The following MMP16 variants were observed in gnomAD, a reference collection of about 807,000 sequenced individuals.
MMP16 encodes matrix metalloproteinase-16.
A neutral mutation model predicts 67.8 loss-of-function variants in MMP16; 12 were observed. The ratio of observed to expected loss-of-function variants is 0.18; its 90% CI spans 0.11 to 0.29. MMP16 has a LOEUF of 0.29. MMP16 is among the 10% of genes least tolerant of loss of function. The probability of loss-of-function intolerance (pLI) is 1.00; values close to 1 mark genes in which losing one functional copy is unlikely to be tolerated. For missense variants in MMP16, 475 were observed against 765.7 expected (o/e 0.62, Z 4.48); for synonymous variants, 249 against 255.9 (o/e 0.97, Z 0.26).
chr8:88,174,535 T>G (rs1467398977), intron 3 of MMP16, among the ~76,000 whole-genome samples: 3 of 152,192 alleles, frequency 2.0e-5, no homozygotes, highest in African/African-American at 7.2e-5. Context: ...AGTGAATACA[T>G]TTTTGGTTTA....
chr8:88,068,483 A>G (rs960279343), intron 7 of MMP16, among the ~76,000 whole-genome samples: 1 of 152,078 alleles, frequency 6.6e-6, no homozygotes, highest in Non-Finnish European at 1.5e-5. Flanking sequence ...TAAGGTCACA[A>G]ACTTTTGTAT....
In MMP16 at chr8:88,069,470, A is replaced by G. The variant is rs74832191; in HGVS notation, c.1222+5135T>C. The stretch of plus-strand genomic sequence containing the variant: ...GCCTTTGTTCTAGAATCCATTTCCA[A>G]TGGTATTTGTAGAGCCAACCATCTT... On this transcript the variant is annotated intron_variant, in intron 7 of 9. Transcript: ENST00000286614. 1.1e-3 allele frequency: 583 copies of G among 531,580 alleles called. 3 individuals are homozygous for G. The highest frequency in any genetic ancestry group is 9.8e-3 in the African/African-American group (505 of 51,716). The allele number at this position is 531,580 out of a possible 1,614,324, so 32.9% of individuals were successfully genotyped here. A position where few individuals can be genotyped will look rare whatever the true frequency, so the allele number is the denominator to read the frequency against.
intron 1 of MMP16, among the ~76,000 whole-genome samples, chr8:88,236,456 T>C (rs1366848041): frequency 5.9e-5 from 9 of 152,062 alleles, no homozygotes; most frequent in Non-Finnish European, 5.9e-5. Flanking sequence ...GAACATTAAG[T>C]AGTTAAAACC....
intron 3 of MMP16, among the ~76,000 whole-genome samples, chr8:88,184,222 T>A (rs547018451): frequency 3.3e-5 from 5 of 152,316 alleles, no homozygotes; most frequent in African/African-American, 1.2e-4. Context: ...ACATGCCTAC[T>A]AAATTTCCTA....
At chr8:88,296,165 C>A (rs1162215280) in intron 1 of MMP16, among the ~76,000 whole-genome samples, 1 of 152,054 alleles carries the variant, frequency 6.6e-6, no homozygotes, top group Non-Finnish European at 1.5e-5. Flanking sequence ...TATTCGCCAG[C>A]TTCTACTAAT....
intron 7 of MMP16, among the ~76,000 whole-genome samples, chr8:88,061,545 G>T (rs1398241938): frequency 6.6e-6 from 1 of 151,962 alleles, no homozygotes; most frequent in Admixed American, 6.6e-5. Context: ...TCATTTGCAT[G>T]ATAATTTCTT....
chr8:88,232,255 CT>C (rs1219049879), intron 1 of MMP16, among the ~76,000 whole-genome samples: 1 of 152,122 alleles, frequency 6.6e-6, no homozygotes, highest in East Asian at 1.9e-4. Flanking sequence ...GGTTTTACAT[CT>C]TTAATTGCAT....
chr8:88,197,270 C>T lies in MMP16; in HGVS notation c.169G>A (p.Asp57Asn). ...LQKYGYLPPT[D>N]PRMSVLRSAE... ...GAGCGCAGCACTGACATTCTGGGGTCAGTCGGTGGAAGGTAGCCGTACTTT... is the reference window on the plus strand; with the variant it reads ...GAGCGCAGCACTGACATTCTGGGGTTAGTCGGTGGAAGGTAGCCGTACTTT... Residue 57 changes from aspartate to asparagine, a missense_variant, in exon 2 of 10, where the codon GAC (aspartate) becomes AAC (asparagine). Transcript: ENST00000286614. 6.3e-7 allele frequency: 1 copy of T among 1,591,708 alleles called. No individual in the cohort carries two copies. The highest frequency in any genetic ancestry group is 8.6e-7 in the Non-Finnish European group (1 of 1,169,558).
At chr8:88,134,785 C>T (rs1269085708) in intron 4 of MMP16, among the ~76,000 whole-genome samples, 1 of 151,016 alleles carries the variant, frequency 6.6e-6, no homozygotes, top group African/African-American at 2.4e-5. Context: ...GTGTGTGATC[C>T]ACTAATCTTT....
intron 1 of MMP16, among the ~76,000 whole-genome samples, chr8:88,260,656 C>T (rs1462908151): frequency 6.6e-6 from 1 of 151,916 alleles, no homozygotes; most frequent in Non-Finnish European, 1.5e-5. Context: ...AGCCAACTAA[C>T]CAAAATTATT....
intron 4 of MMP16, among the ~76,000 whole-genome samples, chr8:88,153,967 T>C (rs1808459146): frequency 6.6e-6 from 1 of 150,384 alleles, no homozygotes. Context: ...AACCTACTCA[T>C]CTGACAAAGG....
At chr8:88,138,274 T>C (rs1368194471) in intron 4 of MMP16, among the ~76,000 whole-genome samples, 1 of 151,946 alleles carries the variant, frequency 6.6e-6, no homozygotes, top group African/African-American at 2.4e-5. Flanking sequence ...AGGAGTCTGG[T>C]TACATTCTCT....
intron 1 of MMP16, among the ~76,000 whole-genome samples, chr8:88,250,767 CT>C (rs71277989): frequency 2.8e-4 from 41 of 145,626 alleles, no homozygotes; most frequent in Admixed American, 2.8e-4. Flanking sequence ...TAGTCTTTTT[CT>C]TTTTTTTTTT....
chr8:88,085,278 G>A (rs1281363839), intron 6 of MMP16, among the ~76,000 whole-genome samples: 1 of 152,050 alleles, frequency 6.6e-6, no homozygotes, highest in African/African-American at 2.4e-5. Context: ...TAATAGATGT[G>A]TCTGGCAAAG....
chr8:88,069,542 T>C, intron 7 of MMP16: 1 of 521,262 alleles, frequency 1.9e-6, no homozygotes, highest in Non-Finnish European at 3.9e-6. Context: ...AAAGGTTTGT[T>C]TACTGTCCAG....
chr8:88,134,959 A>G lies in MMP16; in HGVS notation c.710-16098T>C, dbSNP rs1168862813. On this transcript the variant is annotated intron_variant, in intron 4 of 9. Transcript: ENST00000286614. ...AAGAATATTAACAGAATTTTCCCAA[A>G]TAAGCTTTTTCATCATTAAAAAAAG... Among the ~76,000 whole-genome samples the G allele has an allele frequency of 2.6e-5, 4 of 151,680 alleles. No individual in the cohort carries two copies. The South Asian group carries it at 6.2e-4, about 24-fold the overall frequency.
intron 4 of MMP16, among the ~76,000 whole-genome samples, chr8:88,122,491 TA>T: frequency 6.6e-6 from 1 of 152,068 alleles, no homozygotes; most frequent in Non-Finnish European, 1.5e-5. Flanking sequence ...ACTTGTAGGT[TA>T]AAAGACTGAC....
intron 1 of MMP16, among the ~76,000 whole-genome samples, chr8:88,241,156 A>G (rs1464176499): frequency 6.6e-6 from 1 of 151,990 alleles, no homozygotes; most frequent in African/African-American, 2.4e-5. Context: ...TAAAAAGACC[A>G]GAAACAACAA....
chr8:88,315,169 G>A (rs1049819435), intron 1 of MMP16, among the ~76,000 whole-genome samples: 2 of 152,100 alleles, frequency 1.3e-5, no homozygotes, highest in Non-Finnish European at 2.9e-5. Flanking sequence ...CACAGATAAT[G>A]TATTTTTTAC....
Sources: allele counts gnomAD v4.1 joint callset (sites outside exome capture counted in the v4.1 genomes callset), GRCh38; gene constraint gnomAD v4.1.1; transcripts MANE v1.5; gene names NCBI Gene and HGNC (gene_info 2026-07-23, HGNC 2026-07-21).